SYNE1: variants seen among roughly 807,000 people sequenced by gnomAD.
SYNE1 encodes spectrin repeat containing nuclear envelope protein 1.
In SYNE1, 616 loss-of-function variants were observed where a neutral mutation model predicts 1,111.0. That is an observed-to-expected ratio of 0.55 (90% confidence interval 0.52 to 0.59). SYNE1 has a LOEUF of 0.59. Among genes scored for constraint, SYNE1 ranks in the 20% least tolerant of loss-of-function variants. The pLI is 0.00. For missense variants in SYNE1, 10,006 were observed against 10,417.0 expected (o/e 0.96, Z 1.72); for synonymous variants, 3,855 against 3,825.8 (o/e 1.01, Z -0.28).
rs373714688 is a variant in SYNE1 at position 152,450,485 on chromosome 6, T to A, written c.3395+140A>T. On this transcript the variant is annotated intron_variant, in intron 27 of 145. Transcript: ENST00000367255. ...CACCCTGATTCTGACTAAAATCCAT[T>A]CCTTTTATTAAATGAAGGATTTTTG... 9.9e-6 allele frequency: 9 copies of A among 910,402 alleles called. No homozygotes were observed. The East Asian group carries it at 2.2e-4, about 22-fold the overall frequency. 56.4% of individuals were successfully genotyped at this position (910,402 alleles called of 1,614,324 possible).
chr6:152,369,982 CAAAAAAAA>C (rs778013525), intron 59 of SYNE1, among the ~76,000 whole-genome samples: 2 of 49,986 alleles, frequency 4.0e-5, no homozygotes, highest in Non-Finnish European at 6.6e-5. Context: ...GACTCTGTCT[CAAAAAAAA>C]AAAAAAAAAA....
At chr6:152,150,033 GA>G (rs1465339084) in intron 135 of SYNE1, among the ~76,000 whole-genome samples, 1 of 152,182 alleles carries the variant, frequency 6.6e-6, no homozygotes, top group Non-Finnish European at 1.5e-5. Flanking sequence ...TACTGTCACT[GA>G]AATAAATGTA....
chr6:152,132,347 G>T (rs1318520873), intron 143 of SYNE1, 133 bp from the exon 144 acceptor site: 3 of 807,156 alleles, frequency 3.7e-6, no homozygotes, highest in Non-Finnish European at 6.4e-6. Flanking sequence ...CCATTCCTTG[G>T]GGAAAATGGA....
chr6:152,454,462 A>G (rs1337998753), intron 24 of SYNE1, among the ~76,000 whole-genome samples: 1 of 152,166 alleles, frequency 6.6e-6, no homozygotes, highest in African/African-American at 2.4e-5. Flanking sequence ...CAAGCCAGGA[A>G]GAGGGCCCTC....
In SYNE1 at chr6:152,232,137, A is replaced by G; in HGVS notation, c.20841T>C (p.His6947=). The G allele has an allele frequency of 6.3e-7, 1 of 1,590,138 alleles. No individual in the cohort carries two copies. The highest frequency in any genetic ancestry group is 8.6e-7 in the Non-Finnish European group (1 of 1,158,642). The change falls in exon 113 of 146, where the codon CAT becomes CAC. Residue 6947 remains histidine (H), a synonymous_variant. Transcript: ENST00000367255. ...IKNSIGYKAI[H]EYLQKYKGFK... ...TTACCTTATATTTCTGAAGGTATTC[A>G]TGAATTGCCTTGTAACCTATGGAAT...
chr6:152,212,962 T>C (rs950711391), intron 123 of SYNE1, among the ~76,000 whole-genome samples: 2 of 152,180 alleles, frequency 1.3e-5, no homozygotes, highest in East Asian at 3.8e-4. Flanking sequence ...TCTTTTCTCT[T>C]AGGTAAGACC....
intron 115 of SYNE1, among the ~76,000 whole-genome samples, chr6:152,229,893 T>C (rs2082372130): frequency 6.6e-6 from 1 of 152,210 alleles, no homozygotes; most frequent in South Asian, 2.1e-4. Context: ...TTAGAAATTA[T>C]TAAACTTTTG....
Position 152,367,228 on chromosome 6 carries a change from A to G in SYNE1, c.9962T>C (p.Leu3321Pro), listed in dbSNP as rs1591247759. Residue 3321 changes from leucine (L) to proline (P), a missense_variant, in exon 62 of 146, where the codon CTC (leucine) becomes CCC (proline). Transcript: ENST00000367255. ...SDKSVLDSRTLKLEALLSVKQ... is the reference protein window; with the variant it reads ...SDKSVLDSRTPKLEALLSVKQ... The stretch of plus-strand genomic sequence containing the variant: ...TGTAAAGATGCACACCTCGAGCTTG[A>G]GCGTCCTGCTGTCCAGCACACTTTT... 2 of 1,614,216 alleles carry G rather than the reference A, an allele frequency of 1.2e-6. No individual in the cohort carries two copies. The highest frequency in any genetic ancestry group is 8.5e-7 in the Non-Finnish European group (1 of 1,180,038).
intron 58 of SYNE1, among the ~76,000 whole-genome samples, chr6:152,373,568 C>T (rs926704285): frequency 6.6e-6 from 1 of 152,124 alleles, no homozygotes; most frequent in African/African-American, 2.4e-5. Flanking sequence ...GCGTGAGCCA[C>T]CACACCCACC....
At chr6:152,249,433 T>C (rs1458149337) in intron 104 of SYNE1, among the ~76,000 whole-genome samples, 171 bp from the exon 105 acceptor site, 1 of 152,248 alleles carries the variant, frequency 6.6e-6, no homozygotes, top group Non-Finnish European at 1.5e-5. Flanking sequence ...TTTACTTATG[T>C]GCTAAAACTG....
intron 145 of SYNE1, chr6:152,125,550 G>A: frequency 1.5e-6 from 1 of 648,930 alleles, no homozygotes. Flanking sequence ...ACAAACTTTG[G>A]ATCAAATTTT....
chr6:152,300,495 T>A (rs958644187), intron 93 of SYNE1, 146 bp downstream of exon 93: 10 of 1,179,870 alleles, frequency 8.5e-6, no homozygotes, highest in Non-Finnish European at 1.1e-5. Context: ...CAATCATAGT[T>A]TGTGCAACTA....
intron 29 of SYNE1, among the ~76,000 whole-genome samples, chr6:152,445,660 CA>C (rs1419286207): frequency 2.0e-5 from 3 of 152,076 alleles, no homozygotes; most frequent in Admixed American, 1.3e-4. Flanking sequence ...CAATATAAAT[CA>C]GAGCAAATCT....
Position 152,239,621 on chromosome 6 carries a change from G to A in SYNE1, c.19979C>T (p.Thr6660Ile). Residue 6660 changes from threonine (T) to isoleucine (I), a missense_variant, in exon 108 of 146, where the codon ACC (threonine) becomes ATC (isoleucine). Thr to Ile is a moderately conservative substitution (Grantham distance 89). Around this residue, in one of 7 missense-constraint regions of SYNE1, gnomAD observed 2,182 missense variants for 2,287.8 expected, o/e 0.95. Transcript: ENST00000367255. ...KIISFAVQKE[T>I]QFHTELMAQA... ...AGCCATCAGCTCTGTATGGAACTGG[G>A]TTTCCTTTTGGACTGCAAAGCTGAT... is the stretch of plus-strand genomic sequence containing the variant. 2 of 1,614,152 alleles carry A rather than the reference G, an allele frequency of 1.2e-6. No individual in the cohort carries two copies. Among genetic ancestry groups the A allele is most frequent in the African/African-American group, 2.7e-5 (2 of 75,010 alleles).
rs199794081 is a variant in SYNE1 at position 152,413,546 on chromosome 6, G to T, written c.6051-15C>A. Reference sequence around the variant, plus strand: ...ACACTCTTAACCTGTGAATTAAAATGTTATTTTCCTATTAATTTACTAAAG... The same window carrying T: ...ACACTCTTAACCTGTGAATTAAAATTTTATTTTCCTATTAATTTACTAAAG... On this transcript the variant is annotated splice_polypyrimidine_tract_variant and intron_variant, in intron 41 of 145. Coordinates refer to ENST00000367255, the MANE Select transcript of SYNE1 (RefSeq NM_182961.4). 14 of 1,612,518 alleles carry T rather than the reference G, an allele frequency of 8.7e-6. No individual in the cohort carries two copies. Among genetic ancestry groups the T allele is most frequent in the Non-Finnish European group, 1.2e-5 (14 of 1,178,736 alleles).
At position 152,309,856 on chromosome 6, in the gene SYNE1, G is replaced by T; in HGVS notation, c.17181C>A (p.Ile5727=). The T allele has an allele frequency of 6.2e-7, 1 of 1,613,994 alleles. No individual in the cohort carries two copies. Among genetic ancestry groups the T allele is most frequent in the Non-Finnish European group, 8.5e-7 (1 of 1,180,028 alleles). ...EEASRLQHTA[I]QQCNIMQEAV... Reference sequence around the variant, plus strand: ...CTGCCTGCATGATGTTACACTGCTGGATGGCGGTGTGCTGCAGCCGGCTGG... The same window carrying T: ...CTGCCTGCATGATGTTACACTGCTGTATGGCGGTGTGCTGCAGCCGGCTGG... Residue 5727 remains isoleucine (I), a synonymous_variant, in exon 90 of 146, where the codon ATC becomes ATA. Coordinates refer to ENST00000367255, the MANE Select transcript of SYNE1 (RefSeq NM_182961.4).
rs74367034 is a variant in SYNE1, at chr6:152,399,923, T to C, written c.7030-100A>G. On this transcript the variant is annotated intron_variant, in intron 47 of 145. Transcript: ENST00000367255. ...GTTTTACAATCTGAAATTGACATTG[T>C]TGAATCCACTCCATGGTGTATACAT... 22 of 1,273,852 alleles carry C rather than the reference T, an allele frequency of 1.7e-5. No individual in the cohort carries two copies. In the African/African-American group the frequency reaches 3.1e-4, roughly 18 times the overall value. 78.9% of individuals were successfully genotyped at this position (1,273,852 alleles called of 1,614,324 possible).
chr6:152,428,257 T>A lies in SYNE1; in HGVS notation c.4924A>T (p.Arg1642Trp). Residue 1642 changes from arginine (R) to tryptophan (W), a missense_variant, in exon 37 of 146, where the codon AGG (arginine) becomes TGG (tryptophan). This residue lies in a region of SYNE1 where 1,971 missense variants were observed against 2,084.1 expected (regional missense o/e 0.95). Transcript: ENST00000367255. ...LQQQYEDILR[R>W]AKERQTALEN... ...AGCGCCGTCTGTCTCTCCTTCGCCC[T>A]CCTTAGGATGTCCTCGTATTGCTGC... 2 of 1,614,082 alleles carry A rather than the reference T, an allele frequency of 1.2e-6. No individual in the cohort carries two copies. The highest frequency in any genetic ancestry group is 1.7e-6 in the Non-Finnish European group (2 of 1,180,024).
At chr6:152,521,033 C>T (rs924497080) in intron 5 of SYNE1, among the ~76,000 whole-genome samples, 1 of 152,116 alleles carries the variant, frequency 6.6e-6, no homozygotes, top group Non-Finnish European at 1.5e-5. Context: ...TGAGGGCACC[C>T]GTCATACTAA....
Sources: gnomAD v4.1 joint callset for allele counts (sites outside exome capture counted in the v4.1 genomes callset) on GRCh38, gnomAD v4.1.1 for gene constraint, gnomAD v4.1.1 regional missense constraint, MANE v1.5 for transcripts, NCBI Gene and HGNC (gene_info 2026-07-23, HGNC 2026-07-21) for gene names.